The following TBC1D4 variants were observed in gnomAD, a reference collection of about 807,000 sequenced individuals.
TBC1D4 encodes the protein TBC (Tre-2, BUB2, CDC16) domain-containing protein.
TBC1D4 carries 121 observed loss-of-function variants against 142.5 expected under a neutral mutation model. The ratio of observed to expected loss-of-function variants is 0.85; its 90% CI spans 0.73 to 0.99. TBC1D4 has a LOEUF of 0.99. Ranked by LOEUF, TBC1D4 falls within the 50% of genes least tolerant of loss-of-function variation. The pLI is 0.00. For missense variants in TBC1D4, 1,475 were observed against 1,606.6 expected, an observed-to-expected ratio of 0.92 and a Z score of 1.40; for synonymous variants, 630 against 628.2, an observed-to-expected ratio of 1.00 and a Z score of -0.04.
At chr13:75,356,100 G>A (rs372637068) in intron 4 of TBC1D4, 47 bp downstream of exon 4, 205 of 1,439,484 alleles carry the variant, frequency 1.4e-4, no homozygotes, top group African/African-American at 2.5e-4. Context: ...TCTTCTGTTC[G>A]ACAGATGTGT....
chr13:75,480,831 G>C (rs1227925775), intron 1 of TBC1D4, among the ~76,000 whole-genome samples: 1 of 152,006 alleles, frequency 6.6e-6, no homozygotes, highest in African/African-American at 2.4e-5. Context: ...GGACCTCTAG[G>C]AACCCAACCT....
chr13:75,341,869 T>G (rs1250701019), intron 5 of TBC1D4, among the ~76,000 whole-genome samples: 3 of 152,122 alleles, frequency 2.0e-5, no homozygotes, highest in Non-Finnish European at 2.9e-5. Context: ...ATCCCAACAC[T>G]TTGGGAGGTG....
At chr13:75,349,111 T>C (rs911435346) in intron 5 of TBC1D4, 59 bp downstream of exon 5, 1 of 1,612,748 alleles carries the variant, frequency 6.2e-7, no homozygotes, top group Non-Finnish European at 8.5e-7. Flanking sequence ...ATAGGGACTT[T>C]CTCATTTCCC....
intron 1 of TBC1D4, among the ~76,000 whole-genome samples, chr13:75,445,502 T>C (rs993015896): frequency 2.0e-5 from 3 of 152,198 alleles, no homozygotes; most frequent in Admixed American, 6.5e-5. Flanking sequence ...AAGAATCCAC[T>C]GAGATCGTAT....
intron 11 of TBC1D4, among the ~76,000 whole-genome samples, chr13:75,320,651 G>A (rs1257390530): frequency 3.3e-5 from 5 of 151,892 alleles, no homozygotes; most frequent in Admixed American, 3.3e-4. Context: ...ATAGTAACCT[G>A]TTTTCAGTAA....
chr13:75,341,210 TC>T lies in TBC1D4; in HGVS notation c.1525del (p.Glu509LysfsTer6). 1 of 1,613,822 alleles carries T rather than the reference TC, an allele frequency of 6.2e-7. No individual in the cohort carries two copies. The highest frequency in any genetic ancestry group is 8.5e-7 in the Non-Finnish European group (1 of 1,179,950). The part of the protein sequence containing the change: ...VQKMKPVSDQ[E>X]ENELVILHLR... ...GTGTAAAATCACAAGTTCATTTTCT[TC>T]CTGGTCACTGACTGGCTTCATTTTC... On this transcript the variant is annotated frameshift_variant, in exon 7 of 21. Transcript: ENST00000377636. LOFTEE classifies it high-confidence loss of function.
chr13:75,481,296 C>T lies in TBC1D4; in HGVS notation c.472G>A (p.Val158Ile), dbSNP rs923117235. ...TGGCTGGGGTCTGTGGCGCGGAAAACGTGGCAGGCCATCTGCGACTCGGGG... is the reference window on the plus strand; with the variant it reads ...TGGCTGGGGTCTGTGGCGCGGAAAATGTGGCAGGCCATCTGCGACTCGGGG... ...DDPESQMACHVFRATDPSQVP... is the reference protein window; with the variant it reads ...DDPESQMACHIFRATDPSQVP... The change falls in exon 1 of 21, where the codon GTT becomes ATT. Residue 158 changes from valine to isoleucine, a missense_variant. Physicochemically the swap from Val to Ile is conservative, Grantham distance 29. Transcript: ENST00000377636. 9 of 1,522,108 alleles carry T rather than the reference C, an allele frequency of 5.9e-6. No individual in the cohort carries two copies. The African/African-American group carries it at 9.7e-5, about 16-fold the overall frequency. 94.3% of individuals were successfully genotyped at this position (1,522,108 alleles called of 1,614,324 possible).
chr13:75,420,414 G>A (rs1886115209), intron 1 of TBC1D4, among the ~76,000 whole-genome samples: 1 of 152,202 alleles, frequency 6.6e-6, no homozygotes, highest in Non-Finnish European at 1.5e-5. Flanking sequence ...ATAATTTTTA[G>A]ATTTTCAAAG....
intron 5 of TBC1D4, among the ~76,000 whole-genome samples, chr13:75,344,454 T>C (rs1418383168): frequency 2.6e-5 from 4 of 152,224 alleles, no homozygotes; most frequent in Non-Finnish European, 4.4e-5. Flanking sequence ...CTGATTGGAC[T>C]TCCTTCCTCC....
chr13:75,472,928 G>T (rs1888475869), intron 1 of TBC1D4, among the ~76,000 whole-genome samples: 1 of 152,228 alleles, frequency 6.6e-6, no homozygotes, highest in Admixed American at 6.5e-5. Context: ...TTAAATGACT[G>T]AAACCAAGGC....
chr13:75,407,032 G>C (rs1885381195), intron 1 of TBC1D4, among the ~76,000 whole-genome samples: 1 of 152,148 alleles, frequency 6.6e-6, no homozygotes, highest in African/African-American at 2.4e-5. Flanking sequence ...TGAGGCATGT[G>C]AGACAAGCTG....
In TBC1D4 at chr13:75,294,703, A is replaced by G. The variant is rs918781088; in HGVS notation, c.3316+151T>C. ...AAGTATGATTTTAAGTTACTGTCAG[A>G]ACACAGCCAGGCACATTTATTAAAT... On this transcript the variant is annotated intron_variant, in intron 18 of 20. Coordinates refer to ENST00000377636, the MANE Select transcript of TBC1D4 (RefSeq NM_014832.5). 3.4e-5 allele frequency: 28 copies of G among 819,456 alleles called. No homozygotes were observed. In the African/African-American group the frequency reaches 3.4e-4, roughly 10 times the overall value. The allele number at this position is 819,456 out of a possible 1,614,324, so 50.8% of individuals were successfully genotyped here.
chr13:75,289,922 C>CAG (rs983230847), intron 19 of TBC1D4, among the ~76,000 whole-genome samples: 2 of 152,138 alleles, frequency 1.3e-5, no homozygotes, highest in Admixed American at 6.6e-5. Context: ...CTGACTTACT[C>CAG]TACTACTTAC....
chr13:75,379,982 C>A (rs1414115478), intron 1 of TBC1D4, among the ~76,000 whole-genome samples: 2 of 144,264 alleles, frequency 1.4e-5, no homozygotes, highest in Admixed American at 7.1e-5. Context: ...CTTGGCTCAC[C>A]GCAATCTCTG....
chr13:75,284,992 T>C lies in TBC1D4; in HGVS notation c.*1800A>G, dbSNP rs545829869. 1 of 152,176 alleles carries C rather than the reference T, an allele frequency of 6.6e-6. No individual in the cohort carries two copies. The highest frequency in any genetic ancestry group is 1.5e-5 in the Non-Finnish European group (1 of 67,988). 9.4% of individuals were successfully genotyped at this position (152,176 alleles called of 1,614,324 possible). A position where few individuals can be genotyped will look rare whatever the true frequency, so the allele number is the denominator to read the frequency against. Reference sequence around the variant, plus strand: ...CATCACACCCATAAAGTAATTGTCATCAACAGACCGTAAAAAGAAAAAACC... The same window carrying C: ...CATCACACCCATAAAGTAATTGTCACCAACAGACCGTAAAAAGAAAAAACC... On this transcript the variant is annotated 3_prime_UTR_variant, in exon 21 of 21. Coordinates refer to ENST00000377636, the MANE Select transcript of TBC1D4 (RefSeq NM_014832.5).
chr13:75,361,339 C>T (rs982563591), intron 2 of TBC1D4, among the ~76,000 whole-genome samples: 2 of 151,976 alleles, frequency 1.3e-5, no homozygotes, highest in African/African-American at 4.8e-5. Flanking sequence ...CATGCCAAAT[C>T]GCACTCTCTC....
chr13:75,398,587 C>T (rs968839476), intron 1 of TBC1D4, among the ~76,000 whole-genome samples: 1 of 152,154 alleles, frequency 6.6e-6, no homozygotes, highest in Non-Finnish European at 1.5e-5. Context: ...CTTCCTTTAA[C>T]TGCCTGTGAT....
At chr13:75,352,657 G>C (rs1244615155) in intron 4 of TBC1D4, among the ~76,000 whole-genome samples, 1 of 152,162 alleles carries the variant, frequency 6.6e-6, no homozygotes, top group Non-Finnish European at 1.5e-5. Context: ...GGTTGGGAGA[G>C]ACAAAGACAG....
chr13:75,469,438 G>A (rs1379016522), intron 1 of TBC1D4, among the ~76,000 whole-genome samples: 5 of 151,986 alleles, frequency 3.3e-5, no homozygotes, highest in Admixed American at 6.6e-5. Context: ...AGTGAGATCC[G>A]GGTGGTGTCA....
Sources: allele counts gnomAD v4.1 joint callset (sites outside exome capture counted in the v4.1 genomes callset), GRCh38; gene constraint gnomAD v4.1.1; transcripts MANE v1.5; gene names NCBI Gene and HGNC (gene_info 2026-07-23, HGNC 2026-07-21).